CCNY: variants seen among roughly 807,000 people sequenced by gnomAD.
CCNY encodes the protein cyclin-Y.
Under a neutral mutation model 42.8 loss-of-function variants are expected in CCNY, and 19 were observed. That is an observed-to-expected ratio of 0.44 (90% CI 0.31 to 0.65). The LOEUF (loss-of-function observed/expected upper bound fraction) is 0.65, where lower values mean the gene tolerates loss of function less well. Among genes scored for constraint, CCNY ranks in the 30% least tolerant of loss-of-function variants. The pLI is 0.07. For synonymous variants in CCNY, 165 were observed against 162.7 expected, an observed-to-expected ratio of 1.01 and a Z score of -0.11; for missense variants, 370 against 437.3, an observed-to-expected ratio of 0.85 and a Z score of 1.37.
chr10:35,540,173 T>G (rs1449868483), intron 7 of CCNY, among the ~76,000 whole-genome samples: 1 of 152,252 alleles, frequency 6.6e-6, no homozygotes, highest in African/African-American at 2.4e-5. Context: ...CTTTCCATTC[T>G]TCTCCATTAA....
intron 1 of CCNY, among the ~76,000 whole-genome samples, chr10:35,430,849 G>A (rs369496805): frequency 1.4e-4 from 22 of 152,246 alleles, no homozygotes; most frequent in East Asian, 1.4e-3. Context: ...GGTGGCTCAT[G>A]CCTGTAATCC....
chr10:35,481,684 A>G (rs182402237), intron 1 of CCNY, among the ~76,000 whole-genome samples: 5 of 152,292 alleles, frequency 3.3e-5, no homozygotes, highest in East Asian at 1.9e-4. Context: ...CTAGGGGACT[A>G]TGTGTTAAGT....
chr10:35,474,747 C>T (rs1021720013), intron 1 of CCNY, among the ~76,000 whole-genome samples: 3 of 152,176 alleles, frequency 2.0e-5, no homozygotes, highest in Non-Finnish European at 4.4e-5. Flanking sequence ...CGCCTCTCCT[C>T]CTCCAAAGGA....
intron 1 of CCNY, among the ~76,000 whole-genome samples, chr10:35,477,317 G>T (rs1002906556): frequency 3.4e-4 from 52 of 151,276 alleles, no homozygotes; most frequent in Non-Finnish European, 5.5e-4. Flanking sequence ...TACCAAAGCC[G>T]GGCAGAGACA....
At chr10:35,505,765 A>G (rs1267413774) in intron 3 of CCNY, among the ~76,000 whole-genome samples, 2 of 152,224 alleles carry the variant, frequency 1.3e-5, no homozygotes, top group Non-Finnish European at 2.9e-5. Context: ...TCCAAGTTCA[A>G]TATCAAAACT....
Position 35,569,835 on chromosome 10 carries a change from A to G in CCNY, c.*665A>G, listed in dbSNP as rs1177233300. ...CCCTTATTTTATACCGTTTTTCTTC[A>G]ACAATGGCGAAATTGACTGTAGTGC... On this transcript the variant is annotated 3_prime_UTR_variant, in exon 10 of 10. Coordinates refer to ENST00000374704, the MANE Select transcript of CCNY (RefSeq NM_145012.6). 1.3e-5 allele frequency: 2 copies of G among 152,870 alleles called. No homozygotes were observed. The highest frequency in any genetic ancestry group is 2.9e-5 in the Non-Finnish European group (2 of 68,154). The allele number at this position is 152,870 out of a possible 1,614,324, so 9.5% of individuals were successfully genotyped here. A position where few individuals can be genotyped will look rare whatever the true frequency, so the allele number is the denominator to read the frequency against.
chr10:35,299,858 G>A (rs1835512590), intron 3 of CCNY, among the ~76,000 whole-genome samples: 1 of 151,966 alleles, frequency 6.6e-6, no homozygotes, highest in African/African-American at 2.4e-5. Context: ...TTTTGGATTA[G>A]TTGAGTATTT....
At chr10:35,413,604 A>G (rs1837959928) in intron 1 of CCNY, among the ~76,000 whole-genome samples, 1 of 150,262 alleles carries the variant, frequency 6.7e-6, no homozygotes, top group South Asian at 2.2e-4. Flanking sequence ...CAGTGTAGGA[A>G]TGGCCAGGGG....
chr10:35,483,486 C>T lies in CCNY; in HGVS notation c.229+8C>T. The T allele has an allele frequency of 6.4e-7, 1 of 1,559,870 alleles. No homozygotes were observed. Among genetic ancestry groups the T allele is most frequent in the South Asian group, 1.1e-5 (1 of 87,910 alleles). ...GTAAATCTCAGACGGACGGTAGGTC[C>T]TTAATTTATGTTTCTTTTTGTAAAA... is the stretch of plus-strand genomic sequence containing the variant. On this transcript the variant is annotated splice_region_variant and intron_variant, in intron 2 of 9. Coordinates refer to ENST00000374704, the MANE Select transcript of CCNY (RefSeq NM_145012.6).
chr10:35,504,948 A>G (rs1257849647), intron 3 of CCNY, among the ~76,000 whole-genome samples: 1 of 152,164 alleles, frequency 6.6e-6, no homozygotes, highest in Non-Finnish European at 1.5e-5. Flanking sequence ...GGAAAATTTA[A>G]TGCATATGAA....
At chr10:35,474,159 T>C (rs1006477113) in intron 1 of CCNY, among the ~76,000 whole-genome samples, 15 of 152,012 alleles carry the variant, frequency 9.9e-5, no homozygotes, top group African/African-American at 3.6e-4. Context: ...CCACGGAGTC[T>C]CGCTGACTGC....
intron 1 of CCNY, among the ~76,000 whole-genome samples, chr10:35,438,687 G>A (rs1297102341): frequency 6.6e-6 from 1 of 152,146 alleles, no homozygotes; most frequent in Non-Finnish European, 1.5e-5. Context: ...TGCTTCAATT[G>A]TCAAATGTAA....
At chr10:35,529,871 C>CA (rs78722884) in intron 5 of CCNY, 102 bp from the exon 6 acceptor site, 68,350 of 956,452 alleles carry the variant, frequency 0.071, 37 homozygotes, top group Non-Finnish European at 0.08. Context: ...CTCCGTATCC[C>CA]AAAAAAAAAA....
At chr10:35,267,129 A>G (rs531700132) in intron 3 of CCNY, among the ~76,000 whole-genome samples, 4 of 151,456 alleles carry the variant, frequency 2.6e-5, no homozygotes, top group Admixed American at 2.6e-4. Flanking sequence ...GAGGGCACAT[A>G]GAACAGCTCT....
intron 1 of CCNY, among the ~76,000 whole-genome samples, chr10:35,380,155 G>C (rs1837148241): frequency 6.6e-6 from 1 of 152,210 alleles, no homozygotes; most frequent in African/African-American, 2.4e-5. Flanking sequence ...AGGCTGCCAG[G>C]TACCAGTCTT....
intron 3 of CCNY, among the ~76,000 whole-genome samples, chr10:35,325,864 T>A (rs915757285): frequency 6.6e-6 from 1 of 152,036 alleles, no homozygotes; most frequent in Non-Finnish European, 1.5e-5. Flanking sequence ...GGATCTCTTG[T>A]GGTCAGAAGT....
At chr10:35,511,837 G>A (rs756189434) in intron 3 of CCNY, among the ~76,000 whole-genome samples, 5 of 152,134 alleles carry the variant, frequency 3.3e-5, no homozygotes, top group Non-Finnish European at 5.9e-5. Flanking sequence ...AAGAGGAAGT[G>A]AACCGTGAAC....
At chr10:35,249,932 C>T (rs372242119) in intron 2 of CCNY, among the ~76,000 whole-genome samples, 6 of 152,186 alleles carry the variant, frequency 3.9e-5, no homozygotes, top group African/African-American at 9.6e-5. Context: ...CGGTGGCTCA[C>T]GCCTGTAATC....
At chr10:35,286,774 C>T (rs1835359714) in intron 3 of CCNY, among the ~76,000 whole-genome samples, 1 of 150,022 alleles carries the variant, frequency 6.7e-6, no homozygotes, top group African/African-American at 2.5e-5. Context: ...ATCTTCTCAT[C>T]TCAGTCTCCT....
Sources: gnomAD v4.1 joint callset for allele counts (sites outside exome capture counted in the v4.1 genomes callset) on GRCh38, gnomAD v4.1.1 for gene constraint, MANE v1.5 for transcripts, NCBI Gene and HGNC (gene_info 2026-07-23, HGNC 2026-07-21) for gene names.